RHOT1: variants seen among roughly 807,000 people sequenced by gnomAD.
RHOT1 encodes the protein mitochondrial Rho GTPase 1.
Under a neutral mutation model 95.3 loss-of-function variants are expected in RHOT1, and 27 were observed. The ratio of observed to expected loss-of-function variants is 0.28; its 90% CI spans 0.21 to 0.39. The LOEUF is 0.39. Among genes scored for constraint, RHOT1 ranks in the 10% least tolerant of loss-of-function variants. The pLI, the probability that RHOT1 is intolerant of heterozygous loss-of-function variation, is 1.00. For synonymous variants in RHOT1, 227 were observed against 263.5 expected (o/e 0.86, Z 1.34); for missense variants, 578 against 786.7 (o/e 0.73, Z 3.17).
chr17:32,189,736 CT>C (rs71362807), intron 8 of RHOT1, among the ~76,000 whole-genome samples: 249 of 124,356 alleles, frequency 2.0e-3, no homozygotes, highest in Middle Eastern at 4.1e-3. Flanking sequence ...CTTTTCTTTT[CT>C]TTTTTTTTTT....
chr17:32,175,428 C>A (rs1038027447), intron 4 of RHOT1, 66 bp downstream of exon 4: 54 of 1,365,980 alleles, frequency 4.0e-5, no homozygotes, highest in Non-Finnish European at 5.2e-5. Flanking sequence ...TATGAGCCTG[C>A]CTTTTTCATT....
chr17:32,176,160 G>A lies in RHOT1; in HGVS notation c.277-1G>A. ...TAAGCGCTTGTTAATTTTCATTTTA[G>A]GTAACAAGTCGATGGATTCCTCTCA... On this transcript the variant is annotated splice_acceptor_variant, in intron 5 of 19. Coordinates refer to ENST00000545287, the MANE Select transcript of RHOT1 (RefSeq NM_001033566.3). LOFTEE classifies it high-confidence loss of function. The A allele has an allele frequency of 6.2e-7, 1 of 1,610,818 alleles. No individual in the cohort carries two copies. The highest frequency in any genetic ancestry group is 8.5e-7 in the Non-Finnish European group (1 of 1,178,730).
intron 8 of RHOT1, among the ~76,000 whole-genome samples, chr17:32,186,363 CA>C: frequency 1.4e-5 from 2 of 147,298 alleles, no homozygotes; most frequent in Non-Finnish European, 3.0e-5. Context: ...AGTCCTTTCC[CA>C]TTTTTTTTTT....
At chr17:32,151,411 A>G (rs1226929109) in intron 1 of RHOT1, 1 of 654,664 alleles carries the variant, frequency 1.5e-6, no homozygotes, top group Non-Finnish European at 2.7e-6. Flanking sequence ...AACTGGGACT[A>G]GCTGGATCCT....
chr17:32,202,750 TTTATTA>T lies in RHOT1; in HGVS notation c.1202-11_1202-6del. 1 of 1,540,842 alleles carries T rather than the reference TTTATTA, an allele frequency of 6.5e-7. No individual in the cohort carries two copies. The highest frequency in any genetic ancestry group is 8.8e-7 in the Non-Finnish European group (1 of 1,136,588). On this transcript the variant is annotated splice_polypyrimidine_tract_variant and intron_variant, in intron 14 of 19. Transcript: ENST00000545287. ...AAGTGGTACATATTTAGTGGGGTTT[TTTATTA>T]TTATTATTTTTAGTGACAAGAGATA...
intron 1 of RHOT1, among the ~76,000 whole-genome samples, chr17:32,160,870 G>T (rs2142441557): frequency 6.6e-6 from 1 of 152,316 alleles, no homozygotes; most frequent in Middle Eastern, 3.4e-3. Context: ...AGCACAGCCT[G>T]CCAGGCTGAG....
intron 1 of RHOT1, among the ~76,000 whole-genome samples, chr17:32,157,315 A>G (rs999925133): frequency 6.6e-6 from 1 of 152,124 alleles, no homozygotes; most frequent in African/African-American, 2.4e-5. Context: ...ACTGTTATTC[A>G]ACAGTAAACA....
rs1210197093 is a variant in RHOT1, at chr17:32,154,892, T to TA, written c.37+12179dup. On this transcript the variant is annotated intron_variant, in intron 1 of 19. Coordinates refer to ENST00000545287, the MANE Select transcript of RHOT1 (RefSeq NM_001033566.3). ...TTGGGCAACAGAGCAAGGATCCATC[T>TA]AAAAAAAAAAAAAAAATTAGCTGAG... 8.1e-3 allele frequency among the ~76,000 whole-genome samples: 1,107 copies of TA among 137,294 alleles called. 19 individuals are homozygous for TA. Among genetic ancestry groups the TA allele is most frequent in the African/African-American group, 0.025 (943 of 37,360 alleles). The allele number at this position is 137,294 out of a possible 152,430, so 90.1% of individuals were successfully genotyped here. A position where few individuals can be genotyped will look rare whatever the true frequency, so the allele number is the denominator to read the frequency against.
In RHOT1 at chr17:32,225,464, T is replaced by G. The variant is rs1443199036; in HGVS notation, c.*731T>G. ...AAAAAAAATTTGTATATTACCAATGTTTTTAGTTTAAATAAAGAGTCACCC... is the reference window on the plus strand; with the variant it reads ...AAAAAAAATTTGTATATTACCAATGGTTTTAGTTTAAATAAAGAGTCACCC... On this transcript the variant is annotated 3_prime_UTR_variant, in exon 20 of 20. Coordinates refer to ENST00000545287, the MANE Select transcript of RHOT1 (RefSeq NM_001033566.3). 1.3e-5 allele frequency: 2 copies of G among 152,560 alleles called. No individual in the cohort carries two copies. The highest frequency in any genetic ancestry group is 3.8e-4 in the East Asian group (2 of 5,202). 9.5% of individuals were successfully genotyped at this position (152,560 alleles called of 1,614,324 possible). A position where few individuals can be genotyped will look rare whatever the true frequency, so the allele number is the denominator to read the frequency against.
At chr17:32,148,919 G>A (rs2031794285) in intron 1 of RHOT1, among the ~76,000 whole-genome samples, 1 of 152,130 alleles carries the variant, frequency 6.6e-6, no homozygotes, top group South Asian at 2.1e-4. Flanking sequence ...TTTGTAGCCT[G>A]GATAAATCTG....
chr17:32,166,313 C>G (rs1405416971), intron 1 of RHOT1, among the ~76,000 whole-genome samples: 2 of 152,026 alleles, frequency 1.3e-5, no homozygotes, highest in African/African-American at 4.8e-5. Context: ...TAATGATCAT[C>G]TGAGCCTTCA....
chr17:32,213,156 G>A (rs2038240497), intron 19 of RHOT1, among the ~76,000 whole-genome samples: 1 of 152,158 alleles, frequency 6.6e-6, no homozygotes, highest in Admixed American at 6.5e-5. Context: ...CCTTTCTGAT[G>A]TGTATTTGAC....
intron 6 of RHOT1, 74 bp downstream of exon 6, chr17:32,176,287 A>C: frequency 8.8e-7 from 1 of 1,139,130 alleles, no homozygotes; most frequent in South Asian, 1.3e-5. Flanking sequence ...GAAGTAGTAC[A>C]TTGAACTTCC....
At chr17:32,148,769 G>A (rs2031772949) in intron 1 of RHOT1, among the ~76,000 whole-genome samples, 1 of 152,204 alleles carries the variant, frequency 6.6e-6, no homozygotes, top group Admixed American at 6.5e-5. Context: ...GAAGCAGGGG[G>A]TGTTTGTTAT....
In RHOT1 at chr17:32,225,494, T is replaced by G. The variant is rs2039073484; in HGVS notation, c.*761T>G. 6.5e-6 allele frequency: 1 copy of G among 152,674 alleles called. No individual in the cohort carries two copies. The highest frequency in any genetic ancestry group is 6.5e-5 in the Admixed American group (1 of 15,276). The allele number at this position is 152,674 out of a possible 1,614,324, so 9.5% of individuals were successfully genotyped here. ...AGTTTAAATAAAGAGTCACCCTTAC[T>G]ACTGTTGAATTTCATCCCAAGTGTA... On this transcript the variant is annotated 3_prime_UTR_variant, in exon 20 of 20. Coordinates refer to ENST00000545287, the MANE Select transcript of RHOT1 (RefSeq NM_001033566.3).
chr17:32,207,670 C>T (rs1287218047), intron 17 of RHOT1: 1 of 156,126 alleles, frequency 6.4e-6, no homozygotes, highest in Non-Finnish European at 1.4e-5. Context: ...ATATGGAGGA[C>T]ACAGTATTAC....
intron 19 of RHOT1, among the ~76,000 whole-genome samples, chr17:32,213,684 G>A (rs929203364): frequency 6.6e-6 from 1 of 152,112 alleles, no homozygotes; most frequent in South Asian, 2.1e-4. Flanking sequence ...TTGGCTCCCC[G>A]TAATTGCTGA....
At chr17:32,155,932 C>T (rs1447371779) in intron 1 of RHOT1, among the ~76,000 whole-genome samples, 1 of 152,132 alleles carries the variant, frequency 6.6e-6, no homozygotes, top group Non-Finnish European at 1.5e-5. Context: ...TGTTTTGCTT[C>T]CATGGTGCAT....
rs560411977 is a variant in RHOT1, at chr17:32,222,463, C to T, written c.1863-2153C>T. 5.9e-5 allele frequency among the ~76,000 whole-genome samples: 9 copies of T among 152,212 alleles called. No individual in the cohort carries two copies. The South Asian group carries it at 1.9e-3, about 32-fold the overall frequency. On this transcript the variant is annotated intron_variant, in intron 19 of 19. Coordinates refer to ENST00000545287, the MANE Select transcript of RHOT1 (RefSeq NM_001033566.3). The stretch of plus-strand genomic sequence containing the variant: ...TTTAAAGGACTTGGTATTTCAGATG[C>T]ACCAAGACCAGCCTCATAGGGATGT...
Sources: gnomAD v4.1 joint callset for allele counts (sites outside exome capture counted in the v4.1 genomes callset) on GRCh38, gnomAD v4.1.1 for gene constraint, MANE v1.5 for transcripts, NCBI Gene and HGNC (gene_info 2026-07-23, HGNC 2026-07-21) for gene names.